MYCT1: variants seen among roughly 807,000 people sequenced by gnomAD.
MYCT1 encodes the protein myc target protein 1.
In MYCT1, 12 loss-of-function variants were observed where a neutral mutation model predicts 15.0. That is an observed-to-expected ratio of 0.80 (90% confidence interval 0.51 to 1.29). The LOEUF is 1.29. Among genes scored for constraint, MYCT1 ranks in the 50% most tolerant of loss-of-function variants. The pLI is 0.00. For missense variants in MYCT1, 287 were observed against 279.1 expected (o/e 1.03, Z -0.20); for synonymous variants, 104 against 102.7 (o/e 1.01, Z -0.07).
At chr6:152,730,682 T>G in the MYCT1 span, among the ~76,000 whole-genome samples, 1 of 152,200 alleles carries the variant, frequency 6.6e-6, no homozygotes, top group African/African-American at 2.4e-5. Flanking sequence ...AATATCTCTC[T>G]TTCCTTCATA....
At chr6:152,708,094 T>C (rs2129069189) in intron 1 of MYCT1, among the ~76,000 whole-genome samples, 1 of 152,014 alleles carries the variant, frequency 6.6e-6, no homozygotes, top group East Asian at 1.9e-4. Flanking sequence ...GGCATCTTAA[T>C]AATATTGAGG....
chr6:152,728,698 C>T (rs1465041245), downstream of MYCT1, among the ~76,000 whole-genome samples: 1 of 152,078 alleles, frequency 6.6e-6, no homozygotes, highest in African/African-American at 2.4e-5. Flanking sequence ...GAGTTTGAGA[C>T]CAGCCTGGGC....
Position 152,721,730 on chromosome 6 carries a change from T to C in MYCT1, c.197-12T>C, listed in dbSNP as rs2099724730. ...TAAAAATTGATTTAGCAATTTGTTT[T>C]CTTTGTTTCAGAGGACCTTATCATG... is the stretch of plus-strand genomic sequence containing the variant. On this transcript the variant is annotated splice_polypyrimidine_tract_variant and intron_variant, in intron 1 of 1. Transcript: ENST00000367245. The C allele has an allele frequency of 6.3e-7, 1 of 1,594,660 alleles. No individual in the cohort carries two copies. The highest frequency in any genetic ancestry group is 1.4e-5 in the African/African-American group (1 of 73,940).
At chr6:152,735,674 T>C in the MYCT1 span, among the ~76,000 whole-genome samples, 9 of 152,154 alleles carry the variant, frequency 5.9e-5, no homozygotes, top group African/African-American at 1.9e-4. Flanking sequence ...ATTGACAAGA[T>C]AATTGTTATT....
chr6:152,718,242 C>G (rs2099724082), intron 1 of MYCT1, among the ~76,000 whole-genome samples: 1 of 152,036 alleles, frequency 6.6e-6, no homozygotes, highest in Non-Finnish European at 1.5e-5. Flanking sequence ...TTGTGATGGT[C>G]CAATATATTC....
At chr6:152,730,433 C>T in the MYCT1 span, among the ~76,000 whole-genome samples, 11 of 152,190 alleles carry the variant, frequency 7.2e-5, no homozygotes, top group Non-Finnish European at 1.0e-4. Flanking sequence ...CATTGTACTC[C>T]GCACAATTTT....
Position 152,722,204 on chromosome 6 carries a change from C to T in MYCT1, c.659C>T (p.Pro220Leu), listed in dbSNP as rs767895730. ...SNSLRVGLST[P>L]PPPAYESIIK... is the part of the protein sequence containing the mutation. ...AGTCTTCGAGTGGGCCTTTCAACACCGCCCCCACCTGCCTATGAGTCCATC... is the reference window on the plus strand; with the variant it reads ...AGTCTTCGAGTGGGCCTTTCAACACTGCCCCCACCTGCCTATGAGTCCATC... The change falls in exon 2 of 2, where the codon CCG becomes CTG. Residue 220 changes from proline (P) to leucine (L), a missense_variant. Pro to Leu is a moderately conservative substitution (Grantham distance 98). Coordinates refer to ENST00000367245, the MANE Select transcript of MYCT1 (RefSeq NM_025107.3). The T allele has an allele frequency of 9.9e-6, 16 of 1,613,974 alleles. No individual in the cohort carries two copies. The highest frequency in any genetic ancestry group is 5.5e-5 in the South Asian group (5 of 91,082).
downstream of MYCT1, among the ~76,000 whole-genome samples, chr6:152,726,936 T>C (rs1028173963): frequency 6.6e-6 from 1 of 152,102 alleles, no homozygotes; most frequent in Non-Finnish European, 1.5e-5. Context: ...CTCAACTCAC[T>C]TAAAATATTT....
chr6:152,733,225 T>G, the MYCT1 span, among the ~76,000 whole-genome samples: 1 of 152,116 alleles, frequency 6.6e-6, no homozygotes, highest in Non-Finnish European at 1.5e-5. Context: ...CACATCAGCC[T>G]CCAGAGAGGC....
At chr6:152,726,121 G>A (rs1012769112), downstream of MYCT1, among the ~76,000 whole-genome samples, 15 of 152,298 alleles carry the variant, frequency 9.8e-5, no homozygotes, top group African/African-American at 3.4e-4. Context: ...TGATGGCCGG[G>A]CGCGGTGGCT....
chr6:152,702,314 C>G (rs1351031930), intron 1 of MYCT1, among the ~76,000 whole-genome samples: 1 of 152,154 alleles, frequency 6.6e-6, no homozygotes, highest in Non-Finnish European at 1.5e-5. Flanking sequence ...AACAAAGAAA[C>G]TCAAAGCACT....
the MYCT1 span, among the ~76,000 whole-genome samples, chr6:152,742,730 A>T: frequency 7.9e-5 from 12 of 152,334 alleles, no homozygotes; most frequent in South Asian, 2.1e-4. Context: ...TTGGAATCCC[A>T]CATTGATTTC....
At chr6:152,739,601 T>A in the MYCT1 span, among the ~76,000 whole-genome samples, 47,822 of 151,802 alleles carry the variant, frequency 0.32, 8,900 homozygotes, top group East Asian at 0.44. Flanking sequence ...TCATTTTAAG[T>A]TTTTATTGCA....
At chr6:152,740,753 A>G in the MYCT1 span, among the ~76,000 whole-genome samples, 1 of 152,134 alleles carries the variant, frequency 6.6e-6, no homozygotes, top group Non-Finnish European at 1.5e-5. Flanking sequence ...AATATTTTTT[A>G]CTTTTGAAAA....
chr6:152,729,759 G>T, the MYCT1 span, among the ~76,000 whole-genome samples: 1 of 152,270 alleles, frequency 6.6e-6, no homozygotes, highest in South Asian at 2.1e-4. Flanking sequence ...GTGATCTGCT[G>T]AGCAGCTACA....
At position 152,698,044 on chromosome 6, in the gene MYCT1, A is replaced by G. The variant is rs1369702765; in HGVS notation, c.142A>G (p.Ile48Val). The G allele has an allele frequency of 2.5e-6, 4 of 1,608,084 alleles. No individual in the cohort carries two copies. The highest frequency in any genetic ancestry group is 4.5e-5 in the East Asian group (2 of 44,556). ...TCTCTTTCTTCTATTTCTTGTGGAT[A>G]TTATGGCTAATAACACAACAAGTTT... ...FLLFLLFLVD[I>V]MANNTTSLGS... The change falls in exon 1 of 2, where the codon ATT (isoleucine) becomes GTT (valine). Residue 48 changes from isoleucine to valine, a missense_variant. Physicochemically the swap from Ile to Val is conservative, Grantham distance 29. Coordinates refer to ENST00000367245, the MANE Select transcript of MYCT1 (RefSeq NM_025107.3).
chr6:152,705,910 G>T (rs2099722176), intron 1 of MYCT1: 3 of 760,416 alleles, frequency 3.9e-6, no homozygotes, highest in African/African-American at 1.7e-5. Context: ...TCAGAAGTTG[G>T]TTACGATGCT....
the MYCT1 span, among the ~76,000 whole-genome samples, chr6:152,738,965 C>G: frequency 6.6e-6 from 1 of 151,590 alleles, no homozygotes; most frequent in Non-Finnish European, 1.5e-5. Flanking sequence ...CAATTAAATG[C>G]AGCTCAAAAT....
chr6:152,702,801 A>G lies in MYCT1; in HGVS notation c.196+4703A>G, dbSNP rs576642357. Among the ~76,000 whole-genome samples the G allele has an allele frequency of 2.6e-5, 4 of 152,320 alleles. 1 individual carries two copies. The highest frequency in any genetic ancestry group is 6.8e-3 in the Middle Eastern group (2 of 294). On this transcript the variant is annotated intron_variant, in intron 1 of 1. Transcript: ENST00000367245. ...TGTGTTGCATATTAATAGTCTATTC[A>G]TTAGTTCCCCTATCTCAGTTACCTA...
Sources: allele counts gnomAD v4.1 joint callset (sites outside exome capture counted in the v4.1 genomes callset), GRCh38; gene constraint gnomAD v4.1.1; transcripts MANE v1.5; gene names NCBI Gene and HGNC (gene_info 2026-07-23, HGNC 2026-07-21).